TACR2: variants seen among roughly 807,000 people sequenced by gnomAD.
TACR2 encodes the protein substance-K receptor.
Under a neutral mutation model 28.9 loss-of-function variants are expected in TACR2, and 24 were observed. The ratio of observed to expected loss-of-function variants is 0.83; its 90% CI spans 0.60 to 1.17. The LOEUF is 1.17. Ranked by LOEUF, TACR2 falls within the 50% of genes most tolerant of loss-of-function variation. TACR2 has a pLI of 0.00. For synonymous variants in TACR2, 222 were observed against 212.6 expected (o/e 1.04, Z -0.38); for missense variants, 487 against 524.4 (o/e 0.93, Z 0.70).
rs1390944288 is a variant in TACR2, at chr10:69,409,890, C to CATATATATATATATACATATATACAT, written c.588-816_588-815insATGTATATATGTATATATATATATAT. ...GTATATATATATATATACATATATA[C>CATATATATATATATACATATATACAT]ATATATATATATACATATATATATA... On this transcript the variant is annotated intron_variant, in intron 2 of 4. Transcript: ENST00000373306. Among the ~76,000 whole-genome samples, 8 of 35,350 alleles carry CATATATATATATATACATATATACAT rather than the reference C, an allele frequency of 2.3e-4. No individual in the cohort carries two copies. The East Asian group carries it at 4.1e-3, about 18-fold the overall frequency. The allele number at this position is 35,350 out of a possible 152,430, so 23.2% of individuals were successfully genotyped here. A position where few individuals can be genotyped will look rare whatever the true frequency, so the allele number is the denominator to read the frequency against.
At chr10:69,408,696 G>A (rs1840527346) in intron 3 of TACR2, among the ~76,000 whole-genome samples, 1 of 152,164 alleles carries the variant, frequency 6.6e-6, no homozygotes, top group Non-Finnish European at 1.5e-5. Context: ...CAGACTTCGC[G>A]CGAAGGCAGC....
In TACR2 at chr10:69,416,195, C is replaced by A; in HGVS notation, c.129G>T (p.Leu43=). 1 of 1,614,216 alleles carries A rather than the reference C, an allele frequency of 6.2e-7. No homozygotes were observed. Among genetic ancestry groups the A allele is most frequent in the Non-Finnish European group, 8.5e-7 (1 of 1,180,044 alleles). ...LALWATAYLA[L]VLVAVTGNAI... is the part of the protein sequence containing the mutation. The stretch of plus-strand genomic sequence containing the variant: ...CATTACCCGTCACGGCCACCAGCAC[C>A]AGGGCCAGGTAGGCTGTGGCCCACA... The change falls in exon 1 of 5, where the codon CTG becomes CTT. Residue 43 remains leucine, a synonymous_variant. Coordinates refer to ENST00000373306, the MANE Select transcript of TACR2 (RefSeq NM_001057.3).
intron 4 of TACR2, among the ~76,000 whole-genome samples, chr10:69,405,529 C>A (rs1258553832): frequency 6.6e-6 from 1 of 152,200 alleles, no homozygotes; most frequent in African/African-American, 2.4e-5. Flanking sequence ...AAGGGGACTA[C>A]ATTGAAAAAC....
Position 69,404,909 on chromosome 10 carries a change from C to T in TACR2, c.1114G>A (p.Glu372Lys). ...DTAPSEATSG[E>K]AGRPQDGSGL... Reference sequence around the variant, plus strand: ...GATCCATCCTGGGGACGCCCCGCCTCCCCACTGGTAGCCTCGGAGGGGGCT... The same window carrying T: ...GATCCATCCTGGGGACGCCCCGCCTTCCCACTGGTAGCCTCGGAGGGGGCT... Residue 372 changes from glutamate (E) to lysine (K), a missense_variant, in exon 5 of 5, where the codon GAG becomes AAG. By Grantham distance (56) the Glu-to-Lys change is moderately conservative. Transcript: ENST00000373306. 1.2e-6 allele frequency: 2 copies of T among 1,614,086 alleles called. No homozygotes were observed. Among genetic ancestry groups the T allele is most frequent in the Non-Finnish European group, 1.7e-6 (2 of 1,179,934 alleles).
In TACR2 at chr10:69,404,973, C is replaced by T. The variant is rs1489486192; in HGVS notation, c.1050G>A (p.Arg350=). ...PTTSLSTRVN[R]CHTKETLFMA... ...TGAACAAAGTCTCCTTAGTGTGACA[C>T]CTGTTGACTCTCGTGGAGAGGGAGG... Residue 350 remains arginine, a synonymous_variant, in exon 5 of 5, where the codon AGG becomes AGA. Coordinates refer to ENST00000373306, the MANE Select transcript of TACR2 (RefSeq NM_001057.3). The T allele has an allele frequency of 6.2e-7, 1 of 1,614,218 alleles. No homozygotes were observed. The highest frequency in any genetic ancestry group is 1.1e-5 in the South Asian group (1 of 91,082).
chr10:69,416,276 A>C lies in TACR2; in HGVS notation c.48T>G (p.Pro16=). The C allele has an allele frequency of 6.2e-7, 1 of 1,611,142 alleles. No individual in the cohort carries two copies. Among genetic ancestry groups the C allele is most frequent in the Non-Finnish European group, 8.5e-7 (1 of 1,177,970 alleles). The part of the protein sequence containing the change: ...IVTEANISSG[P]ESNTTGITAF... ...CTGTGATGCCCGTGGTGTTGCTCTC[A>C]GGGCCAGATGAGATATTGGCTTCAG... Residue 16 remains proline (P), a synonymous_variant, in exon 1 of 5, where the codon CCT becomes CCG. Coordinates refer to ENST00000373306, the MANE Select transcript of TACR2 (RefSeq NM_001057.3).
Position 69,416,361 on chromosome 10 carries a change from C to T in TACR2, c.-38G>A, listed in dbSNP as rs150020863. 1,168 of 1,539,324 alleles carry T rather than the reference C, an allele frequency of 7.6e-4. 7 individuals carry two copies. In the African/African-American group the frequency reaches 0.014, roughly 18 times the overall value. ...GTCTGGAACAAAGGACCTGGCTCCTCGGCTCCTCTCGGATTTGCTATGAAA... is the reference window on the plus strand; with the variant it reads ...GTCTGGAACAAAGGACCTGGCTCCTTGGCTCCTCTCGGATTTGCTATGAAA... On this transcript the variant is annotated 5_prime_UTR_variant, in exon 1 of 5. Coordinates refer to ENST00000373306, the MANE Select transcript of TACR2 (RefSeq NM_001057.3).
rs1840480979 is a variant in TACR2 at position 69,404,141 on chromosome 10, T to A, written c.*685A>T. ...TTTTTCTTTTATACATATTCTTGTA[T>A]GCCCCAGGAAGGCATTTGAGCTTGC... On this transcript the variant is annotated 3_prime_UTR_variant, in exon 5 of 5. Coordinates refer to ENST00000373306, the MANE Select transcript of TACR2 (RefSeq NM_001057.3). The A allele has an allele frequency of 6.6e-6, 1 of 152,258 alleles. No homozygotes were observed. The highest frequency in any genetic ancestry group is 2.4e-5 in the African/African-American group (1 of 41,466). 9.4% of individuals were successfully genotyped at this position (152,258 alleles called of 1,614,324 possible). A position where few individuals can be genotyped will look rare whatever the true frequency, so the allele number is the denominator to read the frequency against.
chr10:69,409,273 C>T, intron 2 of TACR2, 198 bp from the exon 3 acceptor site: 1 of 453,746 alleles, frequency 2.2e-6, no homozygotes, highest in Non-Finnish European at 3.8e-6. Context: ...GACGGCTTCC[C>T]TGCAAAAGGG....
rs765931765 is a variant in TACR2 at position 69,415,909 on chromosome 10, A to G, written c.392+23T>C. 5 of 1,606,144 alleles carry G rather than the reference A, an allele frequency of 3.1e-6. No individual in the cohort carries two copies. In the African/African-American group the frequency reaches 5.3e-5, roughly 17 times the overall value. On this transcript the variant is annotated intron_variant, in intron 1 of 4. Coordinates refer to ENST00000373306, the MANE Select transcript of TACR2 (RefSeq NM_001057.3). Reference sequence around the variant, plus strand: ...CCGGCTCAGTGGGGAGGCTCCCCCCAGCTTCCCCAAGGACCCTCTTGCCTG... The same window carrying G: ...CCGGCTCAGTGGGGAGGCTCCCCCCGGCTTCCCCAAGGACCCTCTTGCCTG...
chr10:69,406,165 C>T (rs1459480823), intron 4 of TACR2, among the ~76,000 whole-genome samples: 1 of 152,206 alleles, frequency 6.6e-6, no homozygotes, highest in Non-Finnish European at 1.5e-5. Flanking sequence ...GCTACCTGGC[C>T]AGGGAGGTGA....
At chr10:69,410,638 A>G (rs1181250105) in intron 2 of TACR2, among the ~76,000 whole-genome samples, 3 of 151,884 alleles carry the variant, frequency 2.0e-5, no homozygotes, top group Non-Finnish European at 2.9e-5. Flanking sequence ...GCAGGTCTGC[A>G]GTGGGAACCT....
chr10:69,412,446 T>G (rs1840577438), intron 2 of TACR2, among the ~76,000 whole-genome samples: 1 of 152,160 alleles, frequency 6.6e-6, no homozygotes, highest in Non-Finnish European at 1.5e-5. Flanking sequence ...CCAGGGCCCA[T>G]CACCTTACAG....
In TACR2 at chr10:69,416,275, C is replaced by T; in HGVS notation, c.49G>A (p.Glu17Lys). 1.2e-6 allele frequency: 2 copies of T among 1,611,170 alleles called. No individual in the cohort carries two copies. The highest frequency in any genetic ancestry group is 2.2e-5 in the East Asian group (1 of 44,820). ...VTEANISSGP[E>K]SNTTGITAFS... is the part of the protein sequence containing the mutation. ...GCTGTGATGCCCGTGGTGTTGCTCT[C>T]AGGGCCAGATGAGATATTGGCTTCA... is the stretch of plus-strand genomic sequence containing the variant. The change falls in exon 1 of 5, where the codon GAG (glutamate) becomes AAG (lysine). Residue 17 changes from glutamate (E) to lysine (K), a missense_variant. Glu to Lys is a moderately conservative substitution (Grantham distance 56, BLOSUM62 1). Coordinates refer to ENST00000373306, the MANE Select transcript of TACR2 (RefSeq NM_001057.3).
chr10:69,410,871 CT>C (rs1840564717), intron 2 of TACR2, among the ~76,000 whole-genome samples: 1 of 152,206 alleles, frequency 6.6e-6, no homozygotes, highest in Non-Finnish European at 1.5e-5. Flanking sequence ...CACGAATACC[CT>C]TTCCCTATGG....
intron 2 of TACR2, among the ~76,000 whole-genome samples, chr10:69,412,272 A>G (rs938366867): frequency 2.6e-5 from 4 of 152,128 alleles, no homozygotes; most frequent in African/African-American, 7.2e-5. Flanking sequence ...GCTCCAGTAA[A>G]TCTCTCTCCT....
intron 2 of TACR2, among the ~76,000 whole-genome samples, chr10:69,410,870 C>T (rs1840564665): frequency 6.6e-6 from 1 of 152,176 alleles, no homozygotes; most frequent in South Asian, 2.1e-4. Context: ...GCACGAATAC[C>T]CTTTCCCTAT....
At chr10:69,412,641 C>T (rs551506391) in intron 2 of TACR2, among the ~76,000 whole-genome samples, 22 of 152,320 alleles carry the variant, frequency 1.4e-4, no homozygotes, top group African/African-American at 5.3e-4. Flanking sequence ...AAAGCATGAT[C>T]TTAGGCAAGT....
At position 69,416,425 on chromosome 10, in the gene TACR2, G is replaced by GGGCAGGA. The variant is rs1298184774; in HGVS notation, c.-103_-102insTCCTGCC. ...CAGAGCATGGGAATATGGGGGCAGG[G>GGGCAGGA]AGAGGAGCAGATGCCAAGCGTGGTG... On this transcript the variant is annotated 5_prime_UTR_variant, in exon 1 of 5. An upstream open reading frame in the 5' UTR loses its in-frame stop. Coordinates refer to ENST00000373306, the MANE Select transcript of TACR2 (RefSeq NM_001057.3). 1 of 1,483,866 alleles carries GGGCAGGA rather than the reference G, an allele frequency of 6.7e-7. No homozygotes were observed. Among genetic ancestry groups the GGGCAGGA allele is most frequent in the Non-Finnish European group, 9.0e-7 (1 of 1,112,930 alleles). 91.9% of individuals were successfully genotyped at this position (1,483,866 alleles called of 1,614,324 possible). A position where few individuals can be genotyped will look rare whatever the true frequency, so the allele number is the denominator to read the frequency against.
Sources: allele counts gnomAD v4.1 joint callset (sites outside exome capture counted in the v4.1 genomes callset), GRCh38; gene constraint gnomAD v4.1.1; transcripts MANE v1.5; gene names NCBI Gene and HGNC (gene_info 2026-07-23, HGNC 2026-07-21).